The following GLI2 variants were observed in gnomAD, a reference collection of about 807,000 sequenced individuals.
GLI2 encodes the protein GLI family zinc finger 2, also known as transcription activator GLI2.
GLI2 carries 22 observed loss-of-function variants against 78.9 expected under a neutral mutation model. The observed-to-expected ratio is 0.28, with a 90% CI of 0.20 to 0.40. GLI2 has a LOEUF of 0.40. Among genes scored for constraint, GLI2 ranks in the 10% least tolerant of loss-of-function variants. The pLI is 1.00. For missense variants in GLI2, 2,097 were observed against 2,213.2 expected (o/e 0.95, Z 1.05); for synonymous variants, 974 against 963.7 (o/e 1.01, Z -0.20).
intron 5 of GLI2, among the ~76,000 whole-genome samples, chr2:120,955,643 A>C (rs1289115631): frequency 1.3e-5 from 2 of 152,238 alleles, no homozygotes; most frequent in African/African-American, 4.8e-5. Context: ...AGCATCGCAG[A>C]CACCACAGCA....
At chr2:120,815,263 A>G (rs1385309197) in intron 2 of GLI2, among the ~76,000 whole-genome samples, 2 of 152,170 alleles carry the variant, frequency 1.3e-5, no homozygotes, top group African/African-American at 2.4e-5. Flanking sequence ...GTAAGTCTTT[A>G]TCGGGAAGTG....
rs1679734799 is a variant in GLI2, at chr2:120,927,389, T to C, written c.177T>C (p.His59=). 4 of 1,613,944 alleles carry C rather than the reference T, an allele frequency of 2.5e-6. No homozygotes were observed. Among genetic ancestry groups the C allele is most frequent in the Non-Finnish European group, 3.4e-6 (4 of 1,179,816 alleles). The change falls in exon 3 of 14, where the codon CAT becomes CAC. Residue 59 remains histidine, a synonymous_variant. Coordinates refer to ENST00000361492, the MANE Select transcript of GLI2 (RefSeq NM_001374353.1). ...GVPQHLLPPF[H]APLPIDMRHQ... ...CGCAGCATCTCTTGCCACCATTCCA[T>C]GCGCCCCTACCGATTGACATGCGAC...
intron 2 of GLI2, among the ~76,000 whole-genome samples, chr2:120,891,902 C>T (rs952164975): frequency 3.3e-5 from 5 of 152,300 alleles, no homozygotes; most frequent in East Asian, 1.9e-4. Flanking sequence ...CCTGGACCAG[C>T]GACCCCTCTT....
chr2:120,765,496 C>T (rs146503702), intron 1 of GLI2, among the ~76,000 whole-genome samples: 675 of 152,292 alleles, frequency 4.4e-3, no homozygotes, highest in African/African-American at 0.016. Context: ...AACAGAGGGC[C>T]GCCAAGGGAG....
intron 1 of GLI2, among the ~76,000 whole-genome samples, chr2:120,796,001 G>A (rs979827431): frequency 1.3e-5 from 2 of 151,768 alleles, no homozygotes; most frequent in South Asian, 2.1e-4. Flanking sequence ...CCAAGATCGC[G>A]CCATTGCACT....
intron 2 of GLI2, among the ~76,000 whole-genome samples, chr2:120,813,681 C>A (rs1035033261): frequency 6.6e-6 from 1 of 152,208 alleles, no homozygotes; most frequent in African/African-American, 2.4e-5. Context: ...CCCCTCACTG[C>A]TGACTTCTCC....
At chr2:120,909,520 T>C (rs2104808181) in intron 2 of GLI2, among the ~76,000 whole-genome samples, 1 of 152,232 alleles carries the variant, frequency 6.6e-6, no homozygotes. Context: ...CCCAGAGGTA[T>C]AAAAATATGC....
intron 1 of GLI2, among the ~76,000 whole-genome samples, chr2:120,795,205 G>GAGT (rs1264188450): frequency 6.6e-6 from 1 of 151,832 alleles, no homozygotes. Context: ...CTGGGTGACA[G>GAGT]GAGAGACCCT....
At chr2:120,852,611 GTTGGT>G (rs1172585714) in intron 2 of GLI2, among the ~76,000 whole-genome samples, 2 of 152,116 alleles carry the variant, frequency 1.3e-5, no homozygotes, top group Non-Finnish European at 2.9e-5. Context: ...TGTTTATGTG[GTTGGT>G]TTGAGGAAGG....
chr2:120,966,932 A>G (rs575695924), intron 5 of GLI2, among the ~76,000 whole-genome samples: 3 of 152,098 alleles, frequency 2.0e-5, no homozygotes, highest in African/African-American at 7.2e-5. Flanking sequence ...CTTTGGGAGC[A>G]CCCGCCAAGA....
chr2:120,798,123 C>T (rs1053715083), intron 2 of GLI2, among the ~76,000 whole-genome samples: 7 of 152,184 alleles, frequency 4.6e-5, no homozygotes, highest in East Asian at 1.9e-4. Context: ...ATTTCTGTCT[C>T]GGAGGAATGG....
intron 2 of GLI2, among the ~76,000 whole-genome samples, chr2:120,824,903 G>A (rs1467787598): frequency 6.6e-6 from 1 of 152,234 alleles, no homozygotes. Context: ...TGACACAATC[G>A]TGGCCCACTG....
At chr2:120,936,078 A>G (rs1033974144) in intron 3 of GLI2, among the ~76,000 whole-genome samples, 8 of 152,054 alleles carry the variant, frequency 5.3e-5, no homozygotes, top group Non-Finnish European at 1.0e-4. Context: ...CGGGGTCCCC[A>G]CTGTCGGACA....
chr2:120,749,619 C>G (rs145732218), intron 1 of GLI2, among the ~76,000 whole-genome samples: 2 of 152,260 alleles, frequency 1.3e-5, no homozygotes, highest in African/African-American at 4.8e-5. Context: ...TTTCTCAGGA[C>G]AGATCTTTTC....
At chr2:120,787,268 G>C (rs555937793) in intron 1 of GLI2, among the ~76,000 whole-genome samples, 2 of 152,216 alleles carry the variant, frequency 1.3e-5, no homozygotes, top group East Asian at 3.9e-4. Flanking sequence ...GAACCTGGGG[G>C]TGCAGATCCT....
intron 2 of GLI2, among the ~76,000 whole-genome samples, chr2:120,913,757 T>C (rs1446073939): frequency 1.4e-4 from 21 of 152,210 alleles, no homozygotes; most frequent in Admixed American, 1.4e-3. Flanking sequence ...CTTGTCCAGG[T>C]GGCTGATTCC....
At chr2:120,845,567 C>A (rs1035068679) in intron 2 of GLI2, among the ~76,000 whole-genome samples, 3 of 152,288 alleles carry the variant, frequency 2.0e-5, no homozygotes, top group Non-Finnish European at 4.4e-5. Flanking sequence ...TTTGGGTGGC[C>A]TGGGGACTGG....
intron 2 of GLI2, among the ~76,000 whole-genome samples, chr2:120,921,015 G>A (rs968516850): frequency 2.0e-5 from 3 of 152,096 alleles, no homozygotes; most frequent in African/African-American, 7.2e-5. Flanking sequence ...GCTCCTCGTG[G>A]GCTTCTGCAG....
chr2:120,808,644 A>C (rs1374659290), intron 2 of GLI2, among the ~76,000 whole-genome samples: 1 of 152,192 alleles, frequency 6.6e-6, no homozygotes, highest in Non-Finnish European at 1.5e-5. Flanking sequence ...CCTCTACGCC[A>C]TGTTGGTGAC....
Sources: allele counts gnomAD v4.1 joint callset (sites outside exome capture counted in the v4.1 genomes callset), GRCh38; gene constraint gnomAD v4.1.1; transcripts MANE v1.5; gene names NCBI Gene and HGNC (gene_info 2026-07-23, HGNC 2026-07-21).